PCDH9: variants seen among roughly 807,000 people sequenced by gnomAD.
PCDH9 encodes protocadherin-9.
In PCDH9, 24 loss-of-function variants were observed where a neutral mutation model predicts 70.6. The ratio of observed to expected loss-of-function variants is 0.34; its 90% confidence interval spans 0.25 to 0.48. The LOEUF (loss-of-function observed/expected upper bound fraction) is 0.48. Ranked by LOEUF, PCDH9 falls within the 20% of genes least tolerant of loss-of-function variation. PCDH9 has a pLI of 0.99. For synonymous variants in PCDH9, 562 were observed against 558.5 expected (o/e 1.01, Z -0.09); for missense variants, 1,281 against 1,503.6 (o/e 0.85, Z 2.45).
At position 66,634,576 on chromosome 13, in the gene PCDH9, T is replaced by A. The variant is rs138400143; in HGVS notation, c.3139-3165A>T. The stretch of plus-strand genomic sequence containing the variant: ...CCTGGCCTTGAGAAATAGAAAATAA[T>A]ACCTTGCCTGTGGAAGTGTTGAAAG... On this transcript the variant is annotated intron_variant, in intron 3 of 4. Transcript: ENST00000377865. 3.1e-3 allele frequency among the ~76,000 whole-genome samples: 479 copies of A among 152,182 alleles called. 1 individual carries two copies. Among genetic ancestry groups the A allele is most frequent in the African/African-American group, 0.011 (460 of 41,526 alleles).
At chr13:67,209,204 C>G (rs1194619708) in intron 2 of PCDH9, 2 of 152,080 alleles carry the variant, frequency 1.3e-5, no homozygotes, top group East Asian at 3.9e-4. Flanking sequence ...CCACATACTT[C>G]CGATGTCATT....
chr13:66,529,569 T>C (rs1394816323), intron 4 of PCDH9, among the ~76,000 whole-genome samples: 1 of 152,140 alleles, frequency 6.6e-6, no homozygotes, highest in Non-Finnish European at 1.5e-5. Flanking sequence ...TCTGATTGCC[T>C]CTAGAATGTT....
intron 4 of PCDH9, among the ~76,000 whole-genome samples, chr13:66,317,104 G>C (rs1955666777): frequency 6.6e-6 from 1 of 152,010 alleles, no homozygotes; most frequent in African/African-American, 2.4e-5. Context: ...TCTCACACTA[G>C]AATATAAGCA....
At chr13:66,953,763 T>C (rs1321000688) in intron 2 of PCDH9, among the ~76,000 whole-genome samples, 1 of 152,194 alleles carries the variant, frequency 6.6e-6, no homozygotes, top group Non-Finnish European at 1.5e-5. Context: ...ACAGTAACTG[T>C]ACCTAGTATA....
chr13:66,740,947 T>C (rs1851412182), intron 3 of PCDH9, among the ~76,000 whole-genome samples: 1 of 98,156 alleles, frequency 1.0e-5, no homozygotes, highest in Non-Finnish European at 2.1e-5. Context: ...TCTGAAACTA[T>C]TCCAATCAAT....
At chr13:66,939,075 G>A (rs1394332669) in intron 2 of PCDH9, among the ~76,000 whole-genome samples, 4 of 151,694 alleles carry the variant, frequency 2.6e-5, no homozygotes, top group South Asian at 2.1e-4. Flanking sequence ...GCTTGTATTT[G>A]GGCCCAATGT....
At chr13:67,056,018 A>G (rs1009797453) in intron 2 of PCDH9, among the ~76,000 whole-genome samples, 6 of 152,172 alleles carry the variant, frequency 3.9e-5, no homozygotes, top group African/African-American at 1.4e-4. Context: ...ACAAATAAAT[A>G]GAATATTTTA....
At chr13:66,541,589 G>A (rs1461936639) in intron 4 of PCDH9, among the ~76,000 whole-genome samples, 1 of 152,082 alleles carries the variant, frequency 6.6e-6, no homozygotes, top group Non-Finnish European at 1.5e-5. Flanking sequence ...TCTTCTCTGC[G>A]TGTTTCTGTG....
chr13:67,137,505 C>T (rs1268328420), intron 2 of PCDH9, among the ~76,000 whole-genome samples: 1 of 152,098 alleles, frequency 6.6e-6, no homozygotes, highest in Non-Finnish European at 1.5e-5. Context: ...TGATAAAGAA[C>T]ACTTACCAAA....
At chr13:67,147,291 A>G (rs1444618108) in intron 2 of PCDH9, among the ~76,000 whole-genome samples, 2 of 152,182 alleles carry the variant, frequency 1.3e-5, no homozygotes, top group African/African-American at 4.8e-5. Context: ...GAAAAATAAA[A>G]TGGTTTTATC....
chr13:67,186,396 T>A (rs1483515202), intron 2 of PCDH9, among the ~76,000 whole-genome samples: 1 of 152,168 alleles, frequency 6.6e-6, no homozygotes, highest in Non-Finnish European at 1.5e-5. Context: ...AAATAATTCA[T>A]ACTATAATAA....
intron 4 of PCDH9, among the ~76,000 whole-genome samples, chr13:66,565,420 T>G (rs73513886): frequency 0.02 from 3,035 of 152,264 alleles, 52 homozygotes; most frequent in Middle Eastern, 0.041. Context: ...ATGAGAAACC[T>G]AGAAAGTGCA....
At chr13:67,073,499 C>CA (rs141396994) in intron 2 of PCDH9, among the ~76,000 whole-genome samples, 2,897 of 146,078 alleles carry the variant, frequency 0.02, 85 homozygotes, top group African/African-American at 0.068. Context: ...AACTTTTTGG[C>CA]AAAAAAAAAA....
intron 3 of PCDH9, among the ~76,000 whole-genome samples, chr13:66,634,907 G>A (rs976545567): frequency 6.6e-6 from 1 of 152,058 alleles, no homozygotes; most frequent in Non-Finnish European, 1.5e-5. Context: ...CTGAGGTGAC[G>A]CAGCTCTTAG....
At chr13:66,930,468 AGCC>A (rs2082788753) in intron 2 of PCDH9, among the ~76,000 whole-genome samples, 1 of 152,158 alleles carries the variant, frequency 6.6e-6, no homozygotes, top group Non-Finnish European at 1.5e-5. Flanking sequence ...CATTCCATAT[AGCC>A]TTTGATCTAT....
At chr13:66,782,498 T>C (rs2080015281) in intron 3 of PCDH9, among the ~76,000 whole-genome samples, 1 of 152,138 alleles carries the variant, frequency 6.6e-6, no homozygotes, top group African/African-American at 2.4e-5. Flanking sequence ...CTGAGATATG[T>C]GCTCTAAGTG....
chr13:66,541,844 A>C (rs1403658056), intron 4 of PCDH9, among the ~76,000 whole-genome samples: 2 of 152,200 alleles, frequency 1.3e-5, no homozygotes, highest in African/African-American at 4.8e-5. Context: ...AATTCTGAAA[A>C]TGTGCTCCTG....
intron 3 of PCDH9, among the ~76,000 whole-genome samples, chr13:66,799,852 T>C (rs1264155587): frequency 6.6e-6 from 1 of 152,134 alleles, no homozygotes; most frequent in Non-Finnish European, 1.5e-5. Flanking sequence ...ACTCCAGCCA[T>C]CAGAGAGTTT....
At chr13:66,647,824 T>C (rs1482520627) in intron 3 of PCDH9, among the ~76,000 whole-genome samples, 2 of 151,700 alleles carry the variant, frequency 1.3e-5, no homozygotes, top group African/African-American at 2.4e-5. Context: ...GGGGAGCCCA[T>C]TGCCTTGAAG....
Sources: allele counts gnomAD v4.1 joint callset (sites outside exome capture counted in the v4.1 genomes callset), GRCh38; gene constraint gnomAD v4.1.1; transcripts MANE v1.5; gene names NCBI Gene and HGNC (gene_info 2026-07-23, HGNC 2026-07-21).